The following DNAH3 variants were observed in gnomAD, a reference collection of about 807,000 sequenced individuals.
The protein encoded by DNAH3 is axonemal beta dynein heavy chain 3.
DNAH3 carries 332 observed loss-of-function variants against 432.5 expected under a neutral mutation model. The ratio of observed to expected loss-of-function variants is 0.77; its 90% CI spans 0.70 to 0.84. The LOEUF is 0.84. Ranked by LOEUF, DNAH3 falls within the 40% of genes least tolerant of loss-of-function variation. The pLI is 0.00. For missense variants in DNAH3, 4,861 were observed against 5,114.0 expected, an observed-to-expected ratio of 0.95 and a Z score of 1.51; for synonymous variants, 1,956 against 1,900.2, an observed-to-expected ratio of 1.03 and a Z score of -0.76.
At chr16:21,158,755 T>G (rs2152839267) in intron 1 of DNAH3, 1 of 153,674 alleles carries the variant, frequency 6.5e-6, no homozygotes, top group South Asian at 2.0e-4. Flanking sequence ...AGGTGAGAGC[T>G]CGGAGCTTGG....
At chr16:21,140,310 C>T (rs1032574599) in intron 5 of DNAH3, 2 of 381,134 alleles carry the variant, frequency 5.2e-6, no homozygotes. Flanking sequence ...TATCAATTTC[C>T]ATCACTTACT....
chr16:21,134,540 T>C (rs765416317), intron 6 of DNAH3, 86 bp from the exon 8 acceptor site: 12 of 1,303,628 alleles, frequency 9.2e-6, no homozygotes, highest in African/African-American at 2.9e-5. Context: ...GTTTTTAATA[T>C]AGAGACGGGG....
chr16:21,059,207 A>C (rs909756211), intron 26 of DNAH3, among the ~76,000 whole-genome samples: 1 of 152,226 alleles, frequency 6.6e-6, no homozygotes, highest in Admixed American at 6.5e-5. Context: ...TGTGGCCTGC[A>C]GAGTTGAAAA....
At chr16:20,968,038 G>T (rs1315435364) in intron 52 of DNAH3, among the ~76,000 whole-genome samples, 1 of 152,150 alleles carries the variant, frequency 6.6e-6, no homozygotes, top group African/African-American at 2.4e-5. Flanking sequence ...TAAGCAATGG[G>T]AAGCAGGAGC....
rs763872755 is a variant in DNAH3 at position 21,069,400 on chromosome 16, G to T, written c.3381+15C>A. ...TATTTCTGCTGGTAAGAGTTATTAGGGTATAAAAACTTACCGCTTGGGACA... is the reference window on the plus strand; with the variant it reads ...TATTTCTGCTGGTAAGAGTTATTAGTGTATAAAAACTTACCGCTTGGGACA... On this transcript the variant is annotated intron_variant, in intron 23 of 61. Transcript: ENST00000261383. 1.9e-6 allele frequency: 3 copies of T among 1,605,596 alleles called. No homozygotes were observed. The highest frequency in any genetic ancestry group is 2.6e-6 in the Non-Finnish European group (3 of 1,174,634).
intron 24 of DNAH3, 75 bp downstream of exon 24, chr16:21,067,208 T>A: frequency 6.4e-7 from 1 of 1,561,130 alleles, no homozygotes; most frequent in Admixed American, 1.7e-5. Context: ...AAGCCAACTC[T>A]TGGCATGAAA....
At chr16:20,960,703 TCAAA>T (rs373451611) in intron 53 of DNAH3, among the ~76,000 whole-genome samples, 14 of 152,078 alleles carry the variant, frequency 9.2e-5, no homozygotes, top group East Asian at 1.9e-4. Flanking sequence ...AGACTCCATC[TCAAA>T]CAAACAAACA....
chr16:21,047,025 G>A (rs2089731529), intron 31 of DNAH3, among the ~76,000 whole-genome samples: 1 of 152,120 alleles, frequency 6.6e-6, no homozygotes, highest in African/African-American at 2.4e-5. Context: ...CTGGCTTGTA[G>A]GGTTTCTGCA....
intron 44 of DNAH3, chr16:20,997,066 G>T (rs748605049): frequency 2.1e-4 from 106 of 515,486 alleles, no homozygotes; most frequent in Non-Finnish European, 1.4e-5. Flanking sequence ...GTTTCTCTAG[G>T]GCCTAGCCAA....
chr16:20,950,416 C>G (rs776998231), intron 56 of DNAH3, among the ~76,000 whole-genome samples: 42 of 152,172 alleles, frequency 2.8e-4, no homozygotes, highest in Admixed American at 7.2e-4. Flanking sequence ...CTATAACTGC[C>G]AGTAGCACGC....
At chr16:20,997,177 G>C in intron 44 of DNAH3, 106 bp downstream of exon 44, 1 of 1,086,198 alleles carries the variant, frequency 9.2e-7, no homozygotes, top group Non-Finnish European at 1.3e-6. Context: ...CTCCTGCCAC[G>C]TGGTTTGGCA....
At chr16:21,054,442 G>T in exon 28 of DNAH3, 1 of 1,614,076 alleles carries the variant, frequency 6.2e-7, no homozygotes, top group Non-Finnish European at 8.5e-7. Flanking sequence ...TGACCGTGAG[G>T]GCCCCGAGAG....
intron 13 of DNAH3, 24 bp downstream of exon 13, chr16:21,111,969 A>G: frequency 6.3e-7 from 1 of 1,594,682 alleles, no homozygotes; most frequent in Non-Finnish European, 8.6e-7. Context: ...ACCAAGGTAT[A>G]AAATCTCAAG....
At chr16:20,959,873 G>A (rs1466041622) in intron 53 of DNAH3, among the ~76,000 whole-genome samples, 1 of 151,948 alleles carries the variant, frequency 6.6e-6, no homozygotes, top group African/African-American at 2.4e-5. Context: ...AAAAAATCAA[G>A]GTTTGAAAGA....
At chr16:21,028,506 C>CA (rs796929596) in intron 37 of DNAH3, among the ~76,000 whole-genome samples, 409 of 80,122 alleles carry the variant, frequency 5.1e-3, no homozygotes, top group Middle Eastern at 0.018. Context: ...ACTAAAAGTA[C>CA]AAAAAAAAAA....
At chr16:20,975,415 C>T (rs765167020) in exon 51 of DNAH3, 1 of 1,613,104 alleles carries the variant, frequency 6.2e-7, no homozygotes, top group East Asian at 2.2e-5. Flanking sequence ...ATAACCGCTA[C>T]CTAGCAAGGA....
intron 38 of DNAH3, among the ~76,000 whole-genome samples, chr16:21,026,819 C>G (rs2088588253): frequency 6.6e-6 from 1 of 151,856 alleles, no homozygotes; most frequent in Non-Finnish European, 1.5e-5. Flanking sequence ...AATCTGTACC[C>G]CAAACCCCCA....
At chr16:20,941,261 T>A in intron 59 of DNAH3, 140 bp downstream of exon 59, 1 of 928,246 alleles carries the variant, frequency 1.1e-6, no homozygotes, top group South Asian at 1.6e-5. Flanking sequence ...GATGGTCCTA[T>A]TCACAGCCCC....
rs781656233 is a variant in DNAH3, at chr16:20,963,737, T to C, written c.10147A>G (p.Lys3383Glu). The change falls in exon 53 of 62, where the codon AAA becomes GAA. Residue 3383 changes from lysine to glutamate, a missense_variant. Physicochemically the swap from Lys to Glu is moderately conservative, Grantham distance 56. Coordinates refer to ENST00000261383, the Ensembl canonical transcript of DNAH3. ...TCCTCCGTAATTTCCTTCTTCTGTT[T>C]CATGATGCCGATGGTCAGGAGGAGA... 5 of 1,614,066 alleles carry C rather than the reference T, an allele frequency of 3.1e-6. No homozygotes were observed. Among genetic ancestry groups the C allele is most frequent in the Non-Finnish European group, 4.2e-6 (5 of 1,180,022 alleles).
Sources: allele counts gnomAD v4.1 joint callset (sites outside exome capture counted in the v4.1 genomes callset), GRCh38; gene constraint gnomAD v4.1.1; transcripts MANE v1.5; gene names NCBI Gene and HGNC (gene_info 2026-07-23, HGNC 2026-07-21).